CNOT6: variants seen among roughly 807,000 people sequenced by gnomAD.
The protein encoded by CNOT6 is CCR4-NOT transcription complex subunit 6.
In CNOT6, 12 loss-of-function variants were observed where a neutral mutation model predicts 61.2. That is an observed-to-expected ratio of 0.20 (90% CI 0.13 to 0.32). The LOEUF is 0.32. Among genes scored for constraint, CNOT6 ranks in the 10% least tolerant of loss-of-function variants. The pLI is 1.00. For missense variants in CNOT6, 405 were observed against 663.9 expected (o/e 0.61, Z 4.28); for synonymous variants, 225 against 240.6 (o/e 0.94, Z 0.60).
chr5:180,512,646 G>C (rs866800033), intron 1 of CNOT6, among the ~76,000 whole-genome samples: 12 of 150,952 alleles, frequency 7.9e-5, no homozygotes, highest in African/African-American at 2.5e-4. Context: ...TGCCAGGCTG[G>C]AGCGCAGTGG....
chr5:180,551,232 C>G (rs1313183036), intron 3 of CNOT6, among the ~76,000 whole-genome samples: 5 of 151,772 alleles, frequency 3.3e-5, no homozygotes, highest in African/African-American at 1.2e-4. Context: ...TGGCATGCAC[C>G]TGTAGTCCCT....
intron 4 of CNOT6, among the ~76,000 whole-genome samples, chr5:180,557,779 T>C (rs1425566891): frequency 6.6e-6 from 1 of 152,222 alleles, no homozygotes; most frequent in East Asian, 1.9e-4. Flanking sequence ...TGAATAGCTC[T>C]AAGTCCCAAA....
intron 4 of CNOT6, among the ~76,000 whole-genome samples, chr5:180,555,818 C>G (rs765924097): frequency 7.9e-5 from 12 of 152,170 alleles, no homozygotes; most frequent in Non-Finnish European, 1.6e-4. Context: ...TCTTGCAGAA[C>G]CAAAGTATTT....
At chr5:180,547,969 G>A (rs1759400498) in intron 2 of CNOT6, among the ~76,000 whole-genome samples, 1 of 152,168 alleles carries the variant, frequency 6.6e-6, no homozygotes, top group South Asian at 2.1e-4. Context: ...CCTGACTTCA[G>A]GTGATCTGCC....
At chr5:180,519,616 A>G (rs1157764575) in intron 1 of CNOT6, among the ~76,000 whole-genome samples, 1 of 152,212 alleles carries the variant, frequency 6.6e-6, no homozygotes, top group African/African-American at 2.4e-5. Flanking sequence ...CATATAAACC[A>G]TACACCAATT....
intron 1 of CNOT6, among the ~76,000 whole-genome samples, chr5:180,522,121 C>T (rs1397838487): frequency 6.6e-6 from 1 of 152,048 alleles, no homozygotes; most frequent in African/African-American, 2.4e-5. Flanking sequence ...ATCTGTCTGT[C>T]TATGTATCTA....
chr5:180,535,272 T>G (rs956168386), intron 2 of CNOT6, among the ~76,000 whole-genome samples: 2 of 152,252 alleles, frequency 1.3e-5, no homozygotes, highest in Non-Finnish European at 2.9e-5. Flanking sequence ...ATTGCCCTAA[T>G]AGTGAACATT....
At chr5:180,538,716 A>ATATATATATATATATATATATATAT (rs1491483600) in intron 2 of CNOT6, among the ~76,000 whole-genome samples, 1 of 144,472 alleles carries the variant, frequency 6.9e-6, no homozygotes, top group African/African-American at 2.6e-5. Context: ...ATATATATAT[A>ATATATATATATATATATATATATAT]CAAAAAAATT....
chr5:180,564,400 A>C, intron 4 of CNOT6, 89 bp from the exon 5 acceptor site: 1 of 854,640 alleles, frequency 1.2e-6, no homozygotes, highest in Non-Finnish European at 1.9e-6. Flanking sequence ...TAACATAGTT[A>C]TGGATGATCT....
intron 2 of CNOT6, among the ~76,000 whole-genome samples, chr5:180,534,959 G>A (rs1758600328): frequency 4.1e-5 from 1 of 24,378 alleles, no homozygotes; most frequent in Non-Finnish European, 1.1e-4. Flanking sequence ...AGTCCCTGGG[G>A]TCCGAGAGGC....
chr5:180,561,782 G>A (rs778336121), intron 4 of CNOT6, among the ~76,000 whole-genome samples: 38 of 152,166 alleles, frequency 2.5e-4, no homozygotes, highest in African/African-American at 3.6e-4. Context: ...CACAGGCACC[G>A]CACTGGCGTG....
chr5:180,572,553 C>G (rs965338713), intron 11 of CNOT6, among the ~76,000 whole-genome samples: 3 of 151,690 alleles, frequency 2.0e-5, no homozygotes, highest in Non-Finnish European at 4.4e-5. Context: ...GTTCAACTGT[C>G]CTTTTTCTAA....
intron 2 of CNOT6, among the ~76,000 whole-genome samples, chr5:180,538,271 C>T (rs1289103356): frequency 1.3e-5 from 2 of 151,724 alleles, no homozygotes; most frequent in Non-Finnish European, 2.9e-5. Context: ...AATCTCCTGA[C>T]CTCGTGATCT....
chr5:180,551,062 G>A (rs578110793), intron 3 of CNOT6, among the ~76,000 whole-genome samples: 2 of 152,168 alleles, frequency 1.3e-5, no homozygotes, highest in East Asian at 3.9e-4. Flanking sequence ...GGTAATTGCA[G>A]ACTGCATGTG....
At chr5:180,522,405 G>T (rs1365990023) in intron 1 of CNOT6, among the ~76,000 whole-genome samples, 1 of 152,050 alleles carries the variant, frequency 6.6e-6, no homozygotes, top group Non-Finnish European at 1.5e-5. Context: ...TGAGCCACTG[G>T]GCCTGGCTTA....
At chr5:180,551,325 C>G (rs896647227) in intron 3 of CNOT6, among the ~76,000 whole-genome samples, 2 of 152,144 alleles carry the variant, frequency 1.3e-5, no homozygotes, top group Non-Finnish European at 2.9e-5. Flanking sequence ...CCACTGCACT[C>G]CAGCCTGGGT....
intron 1 of CNOT6, among the ~76,000 whole-genome samples, chr5:180,516,399 CT>C (rs1757640299): frequency 6.6e-6 from 1 of 152,022 alleles, no homozygotes; most frequent in African/African-American, 2.4e-5. Flanking sequence ...CCAGGATGGT[CT>C]CGATCTCCCA....
chr5:180,503,272 T>C (rs1181435001), intron 1 of CNOT6, among the ~76,000 whole-genome samples: 1 of 151,444 alleles, frequency 6.6e-6, no homozygotes, highest in East Asian at 1.9e-4. Context: ...CTTTTTTTTT[T>C]TTTTTTTGAG....
At chr5:180,573,552 AGTGTGTGTGTGTGTGTGTGTGTGT>A (rs755954581) in intron 11 of CNOT6, among the ~76,000 whole-genome samples, 2 of 119,164 alleles carry the variant, frequency 1.7e-5, no homozygotes, top group Non-Finnish European at 3.5e-5. Flanking sequence ...GGAGGGGGGC[AGTGTGTGTGTGTGTGTGTGTGTGT>A]GTGTGTGTGT....
Sources: gnomAD v4.1 joint callset for allele counts (sites outside exome capture counted in the v4.1 genomes callset) on GRCh38, gnomAD v4.1.1 for gene constraint, MANE v1.5 for transcripts, NCBI Gene and HGNC (gene_info 2026-07-23, HGNC 2026-07-21) for gene names.